Variants in EMC3 observed in about 807,000 individuals in gnomAD.
EMC3 encodes the protein ER membrane protein complex subunit 3, also known as 30 kDa protein.
In EMC3, 13 loss-of-function variants were observed where a neutral mutation model predicts 36.6. That is an observed-to-expected ratio of 0.35 (90% CI 0.23 to 0.56). The LOEUF (loss-of-function observed/expected upper bound fraction) is 0.56, where lower values mean the gene tolerates loss of function less well. Ranked by LOEUF, EMC3 falls within the 20% of genes least tolerant of loss-of-function variation. EMC3 has a pLI of 0.84. For missense variants in EMC3, 220 were observed against 324.5 expected (o/e 0.68, Z 2.47); for synonymous variants, 120 against 111.9 (o/e 1.07, Z -0.46).
chr3:9,974,015 T>G (rs2085817713), intron 4 of EMC3, among the ~76,000 whole-genome samples: 1 of 152,228 alleles, frequency 6.6e-6, no homozygotes, highest in Non-Finnish European at 1.5e-5. Flanking sequence ...CATAGAATTA[T>G]GTTAATAAGA....
At chr3:10,007,155 C>G (rs3732964) in intron 1 of EMC3, 123,710 of 452,328 alleles carry the variant, frequency 0.27, 21,318 homozygotes, top group African/African-American at 0.65. Flanking sequence ...AAGAAAAAGC[C>G]ACCTCAGAGA....
chr3:9,997,774 A>G (rs2086145978), intron 1 of EMC3, among the ~76,000 whole-genome samples: 1 of 152,160 alleles, frequency 6.6e-6, no homozygotes, highest in Admixed American at 6.5e-5. Context: ...TTCTTTGTTT[A>G]TACCACATTT....
chr3:10,007,695 T>C (rs1232800770), intron 1 of EMC3: 1 of 1,301,344 alleles, frequency 7.7e-7, no homozygotes, highest in African/African-American at 1.5e-5. Context: ...GAACCCGGTT[T>C]GTCCGTGTCT....
At chr3:9,987,810 C>T, upstream of EMC3, 3 of 538,524 alleles carry the variant, frequency 5.6e-6, no homozygotes, top group Non-Finnish European at 1.0e-5. Context: ...TTTTTTCTTC[C>T]TCAGTCTTTC....
upstream of EMC3, chr3:9,988,222 C>T: frequency 1.7e-6 from 1 of 585,748 alleles, no homozygotes; most frequent in South Asian, 1.9e-5. Context: ...AGATCAATCC[C>T]AGGCAGACTA....
intron 1 of EMC3, 61 bp downstream of exon 1, chr3:9,986,446 T>C (rs1575686977): frequency 1.9e-6 from 3 of 1,593,408 alleles, no homozygotes; most frequent in African/African-American, 2.7e-5. Flanking sequence ...ACACAACTCC[T>C]GCACTTTTTT....
intron 1 of EMC3, among the ~76,000 whole-genome samples, chr3:9,985,166 T>C (rs1050768563): frequency 3.3e-5 from 5 of 152,204 alleles, no homozygotes; most frequent in African/African-American, 9.7e-5. Flanking sequence ...TCAACTTTTT[T>C]CCCATCTATA....
Position 9,973,645 on chromosome 3 carries a change from G to A in EMC3, c.477C>T (p.Leu159=). The part of the protein sequence containing the change: ...KPMLQQGIEL[L]TLDASWVSSA... Reference sequence around the variant, plus strand: ...GTTCTTACCAGGATGCATCTAATGTGAGTAGCTCGATTCCTTGCTGTAACA... The same window carrying A: ...GTTCTTACCAGGATGCATCTAATGTAAGTAGCTCGATTCCTTGCTGTAACA... The change falls in exon 5 of 8, where the codon CTC becomes CTT. Residue 159 remains leucine (L), a synonymous_variant. Transcript: ENST00000245046. The A allele has an allele frequency of 6.2e-7, 1 of 1,614,128 alleles. No individual in the cohort carries two copies. The highest frequency in any genetic ancestry group is 8.5e-7 in the Non-Finnish European group (1 of 1,179,978).
chr3:9,983,976 T>C (rs765681394), intron 1 of EMC3, among the ~76,000 whole-genome samples: 4 of 152,180 alleles, frequency 2.6e-5, no homozygotes, highest in Admixed American at 6.5e-5. Context: ...TCAGTGCTAA[T>C]GTAAGGCTAA....
Position 9,974,508 on chromosome 3 carries a change from A to G in EMC3, c.308-20T>C. ...TAGGATCTAAGACAAAAGCACAAAC[A>G]AGAAACCACTAAGTTTTACCTCTGT... is the stretch of plus-strand genomic sequence containing the variant. On this transcript the variant is annotated intron_variant, in intron 3 of 7. Coordinates refer to ENST00000245046, the MANE Select transcript of EMC3 (RefSeq NM_001394674.1). 6.6e-7 allele frequency: 1 copy of G among 1,513,346 alleles called. No homozygotes were observed. Among genetic ancestry groups the G allele is most frequent in the Non-Finnish European group, 9.2e-7 (1 of 1,089,508 alleles). 93.7% of individuals were successfully genotyped at this position (1,513,346 alleles called of 1,614,324 possible). A position where few individuals can be genotyped will look rare whatever the true frequency, so the allele number is the denominator to read the frequency against.
At position 9,970,447 on chromosome 3, in the gene EMC3, C is replaced by T. The variant is rs980460919; in HGVS notation, c.574+135G>A. The T allele has an allele frequency of 5.0e-5, 50 of 992,174 alleles. No homozygotes were observed. In the African/African-American group the frequency reaches 5.9e-4, roughly 12 times the overall value. The allele number at this position is 992,174 out of a possible 1,614,324, so 61.5% of individuals were successfully genotyped here. ...GAATTTTTAAGACTCTTTCAGAATA[C>T]CTCAGAAACTTAAGGAAGGAAACAT... On this transcript the variant is annotated intron_variant, in intron 6 of 7. Coordinates refer to ENST00000245046, the MANE Select transcript of EMC3 (RefSeq NM_001394674.1).
At chr3:10,001,577 CAAAAA>C (rs530876800) in intron 1 of EMC3, among the ~76,000 whole-genome samples, 3 of 131,302 alleles carry the variant, frequency 2.3e-5, no homozygotes, top group Admixed American at 2.3e-4. Flanking sequence ...GACTCCGTCT[CAAAAA>C]AAAAAACAAT....
At chr3:9,996,919 A>AT (rs1349225295) in intron 1 of EMC3, among the ~76,000 whole-genome samples, 1 of 152,104 alleles carries the variant, frequency 6.6e-6, no homozygotes, top group Non-Finnish European at 1.5e-5. Context: ...TCATTATTTA[A>AT]TTTTTAATTT....
intron 1 of EMC3, among the ~76,000 whole-genome samples, chr3:9,983,130 C>T (rs1376268712): frequency 6.7e-6 from 1 of 150,284 alleles, no homozygotes; most frequent in African/African-American, 2.5e-5. Context: ...CTGTAGGGGG[C>T]GTAATGGTAA....
intron 3 of EMC3, 145 bp from the exon 4 acceptor site, chr3:9,974,633 A>G (rs1364108660): frequency 7.4e-6 from 4 of 544,028 alleles, no homozygotes; most frequent in Non-Finnish European, 1.3e-5. Flanking sequence ...ATCTCAGCTC[A>G]CTGCAAGCTC....
rs61596273 is a variant in EMC3, at chr3:9,963,477, A to ATATATATATATATATATT, written c.*591_*592insAATATATATATATATATA. 4 of 88,906 alleles carry ATATATATATATATATATT rather than the reference A, an allele frequency of 4.5e-5. No homozygotes were observed. Among genetic ancestry groups the ATATATATATATATATATT allele is most frequent in the East Asian group, 2.5e-4 (1 of 4,014 alleles). The allele number at this position is 88,906 out of a possible 1,614,324, so 5.5% of individuals were successfully genotyped here. On this transcript the variant is annotated 3_prime_UTR_variant, in exon 8 of 8. Transcript: ENST00000245046. ...TAGATATATATATATATATATATAT[A>ATATATATATATATATATT]TTTTTTTTTTTTTTTCAGATGGAGT...
chr3:10,009,183 C>G (rs1181557021), intron 1 of EMC3: 1 of 152,302 alleles, frequency 6.6e-6, no homozygotes, highest in Non-Finnish European at 1.5e-5. Flanking sequence ...GGGAGCCACG[C>G]CCCCCGCTGC....
intron 7 of EMC3, among the ~76,000 whole-genome samples, chr3:9,966,755 AGT>A: frequency 6.6e-6 from 1 of 151,810 alleles, no homozygotes; most frequent in East Asian, 1.9e-4. Flanking sequence ...TTGTATTTTT[AGT>A]GGAGATGGCA....
chr3:9,977,609 C>T (rs1189305721), intron 1 of EMC3, among the ~76,000 whole-genome samples, 163 bp from the exon 2 acceptor site: 1 of 152,174 alleles, frequency 6.6e-6, no homozygotes, highest in African/African-American at 2.4e-5. Flanking sequence ...CCAACGTAAA[C>T]TTATTTAACC....
Sources: gnomAD v4.1 joint callset for allele counts (sites outside exome capture counted in the v4.1 genomes callset) on GRCh38, gnomAD v4.1.1 for gene constraint, MANE v1.5 for transcripts, NCBI Gene and HGNC (gene_info 2026-07-23, HGNC 2026-07-21) for gene names.